The following FRMD3 variants were observed in gnomAD, a reference collection of about 807,000 sequenced individuals.
The protein encoded by FRMD3 is FERM domain containing 3.
A neutral mutation model predicts 70.2 loss-of-function variants in FRMD3; 33 were observed. The ratio of observed to expected loss-of-function variants is 0.47; its 90% CI spans 0.36 to 0.63. The LOEUF (loss-of-function observed/expected upper bound fraction) is 0.63, where lower values mean the gene tolerates loss of function less well. Among genes scored for constraint, FRMD3 ranks in the 20% least tolerant of loss-of-function variants. The pLI is 0.00. For synonymous variants in FRMD3, 279 were observed against 255.9 expected (o/e 1.09, Z -0.86); for missense variants, 632 against 711.4 (o/e 0.89, Z 1.27).
intron 2 of FRMD3, among the ~76,000 whole-genome samples, chr9:83,382,452 T>G (rs935785113): frequency 3.9e-5 from 6 of 152,176 alleles, no homozygotes; most frequent in African/African-American, 1.4e-4. Context: ...GCATAAGTAG[T>G]ATTAGTATCC....
intron 3 of FRMD3, among the ~76,000 whole-genome samples, chr9:83,365,641 T>C (rs1407550945): frequency 1.3e-5 from 2 of 152,104 alleles, no homozygotes; most frequent in South Asian, 2.1e-4. Flanking sequence ...CCCTCAACAC[T>C]ACCGGCTTGG....
At chr9:83,350,127 T>A (rs1824096671) in intron 3 of FRMD3, among the ~76,000 whole-genome samples, 1 of 152,108 alleles carries the variant, frequency 6.6e-6, no homozygotes, top group Non-Finnish European at 1.5e-5. Context: ...ATAAGCACCA[T>A]TCAAGTTGCT....
At chr9:83,300,746 GTTA>G (rs932243902) in intron 10 of FRMD3, among the ~76,000 whole-genome samples, 3 of 152,128 alleles carry the variant, frequency 2.0e-5, no homozygotes, top group African/African-American at 4.8e-5. Flanking sequence ...ATTTTCCCAT[GTTA>G]TTATTACTAC....
chr9:83,290,274 A>G (rs1834367442), intron 13 of FRMD3, among the ~76,000 whole-genome samples: 1 of 152,232 alleles, frequency 6.6e-6, no homozygotes, highest in Non-Finnish European at 1.5e-5. Context: ...TGGATTTTTA[A>G]TTACAATGAA....
In FRMD3 at chr9:83,496,578, T is replaced by C. The variant is rs1828947914; in HGVS notation, c.147+41507A>G. The stretch of plus-strand genomic sequence containing the variant: ...TTTTGATAAATGCCCTGGTGATTTC[T>C]AGGACTAGAGAAATCAGGGATATAA... On this transcript the variant is annotated intron_variant, in intron 1 of 13. Coordinates refer to ENST00000304195, the MANE Select transcript of FRMD3 (RefSeq NM_174938.6). 2.0e-5 allele frequency among the ~76,000 whole-genome samples: 3 copies of C among 152,122 alleles called. No homozygotes were observed. The South Asian group carries it at 6.2e-4, about 32-fold the overall frequency.
chr9:83,536,436 G>T (rs1189784303), intron 1 of FRMD3, among the ~76,000 whole-genome samples: 1 of 152,088 alleles, frequency 6.6e-6, no homozygotes, highest in Non-Finnish European at 1.5e-5. Context: ...TCTCCCTGAC[G>T]GCCCCTCCAT....
At chr9:83,578,252 A>G in the FRMD3 span, among the ~76,000 whole-genome samples, 8 of 152,154 alleles carry the variant, frequency 5.3e-5, no homozygotes, top group African/African-American at 1.9e-4. Context: ...CCAAACATTT[A>G]AAGAAGAACT....
chr9:83,293,912 G>A (rs1834552746), intron 12 of FRMD3, among the ~76,000 whole-genome samples: 1 of 152,186 alleles, frequency 6.6e-6, no homozygotes, highest in African/African-American at 2.4e-5. Flanking sequence ...GATACAACTA[G>A]GGATTTCCCT....
chr9:83,351,524 G>C (rs1368468798), intron 3 of FRMD3, among the ~76,000 whole-genome samples: 1 of 151,930 alleles, frequency 6.6e-6, no homozygotes, highest in Non-Finnish European at 1.5e-5. Context: ...CAAAGAAAAA[G>C]CTTAGAAAAA....
intron 1 of FRMD3, among the ~76,000 whole-genome samples, chr9:83,448,662 A>C (rs1827551430): frequency 6.6e-6 from 1 of 152,132 alleles, no homozygotes; most frequent in Admixed American, 6.5e-5. Context: ...CCCCTCCCTA[A>C]GACCACAGAG....
At chr9:83,287,781 A>C (rs1186796640) in intron 13 of FRMD3, among the ~76,000 whole-genome samples, 2 of 152,224 alleles carry the variant, frequency 1.3e-5, no homozygotes, top group African/African-American at 4.8e-5. Context: ...AGGCACTGAT[A>C]TCCAGTAGGG....
Position 83,245,410 on chromosome 9 carries a change from T to C in FRMD3, c.*2508A>G. The C allele has an allele frequency of 1.0e-6, 1 of 985,430 alleles. No homozygotes were observed. Among genetic ancestry groups the C allele is most frequent in the Non-Finnish European group, 1.2e-6 (1 of 829,914 alleles). The allele number at this position is 985,430 out of a possible 1,614,324, so 61.0% of individuals were successfully genotyped here. On this transcript the variant is annotated 3_prime_UTR_variant, in exon 14 of 14. Coordinates refer to ENST00000304195, the MANE Select transcript of FRMD3 (RefSeq NM_174938.6). ...TGCCGAGCAAATGGCATTTCAAGATTCCAGTTTAACTTTTGATGGCTGTTT... is the reference window on the plus strand; with the variant it reads ...TGCCGAGCAAATGGCATTTCAAGATCCCAGTTTAACTTTTGATGGCTGTTT...
At chr9:83,420,125 C>T (rs1826588313) in intron 1 of FRMD3, among the ~76,000 whole-genome samples, 1 of 152,210 alleles carries the variant, frequency 6.6e-6, no homozygotes, top group Non-Finnish European at 1.5e-5. Context: ...CCAGCTGGCA[C>T]TTAGTTTCCT....
At chr9:83,411,901 C>T (rs1826290233) in intron 1 of FRMD3, among the ~76,000 whole-genome samples, 1 of 152,190 alleles carries the variant, frequency 6.6e-6, no homozygotes, top group Non-Finnish European at 1.5e-5. Context: ...TGCACCATTT[C>T]TGGGATCAGT....
intron 1 of FRMD3, among the ~76,000 whole-genome samples, chr9:83,391,109 T>C (rs991385845): frequency 1.3e-5 from 2 of 152,164 alleles, no homozygotes; most frequent in African/African-American, 2.4e-5. Context: ...TATAAGCACA[T>C]AGTGTGATAT....
intron 10 of FRMD3, among the ~76,000 whole-genome samples, chr9:83,300,554 T>G (rs1230386775): frequency 6.6e-6 from 1 of 151,512 alleles, no homozygotes; most frequent in Non-Finnish European, 1.5e-5. Flanking sequence ...AAGGGGAGGG[T>G]AGTAGGGGCC....
chr9:83,287,883 G>A (rs1834280137), intron 13 of FRMD3, among the ~76,000 whole-genome samples: 1 of 152,194 alleles, frequency 6.6e-6, no homozygotes, highest in South Asian at 2.1e-4. Flanking sequence ...AGTGGACTGT[G>A]AGCCTCCAGA....
At chr9:83,467,534 A>G in intron 1 of FRMD3, 2 of 900,150 alleles carry the variant, frequency 2.2e-6, no homozygotes, top group South Asian at 2.8e-5. Flanking sequence ...AATAATTCAA[A>G]ACATTGCATA....
chr9:83,387,554 T>C (rs763850921), intron 2 of FRMD3, among the ~76,000 whole-genome samples: 4 of 152,224 alleles, frequency 2.6e-5, no homozygotes, highest in African/African-American at 4.8e-5. Context: ...CATTTAGAAT[T>C]GAATTTTGCA....
Sources: gnomAD v4.1 joint callset for allele counts (sites outside exome capture counted in the v4.1 genomes callset) on GRCh38, gnomAD v4.1.1 for gene constraint, MANE v1.5 for transcripts, NCBI Gene and HGNC (gene_info 2026-07-23, HGNC 2026-07-21) for gene names.